Variants in SORBS2 observed in about 807,000 individuals in gnomAD.
SORBS2 encodes sorbin and SH3 domain-containing protein 2.
Under a neutral mutation model 97.7 loss-of-function variants are expected in SORBS2, and 46 were observed. That is an observed-to-expected ratio of 0.47 (90% CI 0.37 to 0.60). The LOEUF is 0.60. Among genes scored for constraint, SORBS2 ranks in the 20% least tolerant of loss-of-function variants. SORBS2 has a pLI of 0.00. For synonymous variants in SORBS2, 476 were observed against 473.4 expected, an observed-to-expected ratio of 1.01 and a Z score of -0.07; for missense variants, 1,316 against 1,282.3, an observed-to-expected ratio of 1.03 and a Z score of -0.40.
chr4:185,869,455 C>T (rs2099229183), intron 1 of SORBS2, among the ~76,000 whole-genome samples: 1 of 152,216 alleles, frequency 6.6e-6, no homozygotes, highest in Non-Finnish European at 1.5e-5. Flanking sequence ...CTTTATGCTG[C>T]TACCCTGGGC....
At chr4:185,951,928 C>CT in intron 1 of SORBS2, among the ~76,000 whole-genome samples, 1 of 152,090 alleles carries the variant, frequency 6.6e-6, no homozygotes, top group South Asian at 2.1e-4. Context: ...CAACTCTATT[C>CT]TTTTTTTGGA....
chr4:185,749,483 A>G (rs1043260472), intron 2 of SORBS2, among the ~76,000 whole-genome samples: 4 of 152,170 alleles, frequency 2.6e-5, no homozygotes, highest in Admixed American at 2.0e-4. Flanking sequence ...TTAAGATGAA[A>G]TCCTGATGGG....
At chr4:185,911,062 T>C (rs919710909) in intron 1 of SORBS2, among the ~76,000 whole-genome samples, 3 of 152,204 alleles carry the variant, frequency 2.0e-5, no homozygotes, top group Non-Finnish European at 4.4e-5. Flanking sequence ...ACTTCCATTT[T>C]ACCCTTTATA....
intron 1 of SORBS2, among the ~76,000 whole-genome samples, chr4:185,913,182 T>C (rs2099256279): frequency 6.6e-6 from 1 of 152,212 alleles, no homozygotes; most frequent in Admixed American, 6.5e-5. Flanking sequence ...CAACCAAATA[T>C]AATAATGTTC....
chr4:185,937,564 C>G (rs1198672553), intron 1 of SORBS2, among the ~76,000 whole-genome samples: 1 of 152,134 alleles, frequency 6.6e-6, no homozygotes, highest in African/African-American at 2.4e-5. Flanking sequence ...CAAAAAGTAC[C>G]TCTAGGTCTG....
At chr4:185,767,399 C>T (rs2098941252) in intron 2 of SORBS2, among the ~76,000 whole-genome samples, 1 of 137,376 alleles carries the variant, frequency 7.3e-6, no homozygotes, top group South Asian at 2.5e-4. Flanking sequence ...ACTCGGGAGG[C>T]TGAGGCAGGG....
intron 1 of SORBS2, among the ~76,000 whole-genome samples, chr4:185,891,068 T>C (rs2099242272): frequency 6.6e-6 from 1 of 152,214 alleles, no homozygotes. Flanking sequence ...TCCTTTCAGA[T>C]CTAAAATGTT....
At chr4:185,805,412 G>A (rs940119835) in intron 1 of SORBS2, among the ~76,000 whole-genome samples, 32 of 152,274 alleles carry the variant, frequency 2.1e-4, no homozygotes, top group African/African-American at 7.7e-4. Flanking sequence ...TCTGATTGCT[G>A]TAAGCCGTTC....
intron 1 of SORBS2, among the ~76,000 whole-genome samples, chr4:185,836,182 C>T (rs994463808): frequency 3.3e-5 from 5 of 152,082 alleles, no homozygotes; most frequent in Admixed American, 1.3e-4. Flanking sequence ...TTCTCATTTG[C>T]TTAAAAAAGA....
intron 2 of SORBS2, among the ~76,000 whole-genome samples, chr4:185,707,569 G>T (rs2098363293): frequency 6.6e-6 from 1 of 151,732 alleles, no homozygotes. Context: ...TAGGACAGCT[G>T]CTGCTTTTGA....
In SORBS2 at chr4:185,700,351, T is replaced by A. The variant is rs552986530; in HGVS notation, c.-197-21529A>T. Reference sequence around the variant, plus strand: ...GTCTCTAGGCAGGCTTTGGAGGCTGTGCTGGGTGGGGGGAGGGTCACAGAA... The same window carrying A: ...GTCTCTAGGCAGGCTTTGGAGGCTGAGCTGGGTGGGGGGAGGGTCACAGAA... On this transcript the variant is annotated intron_variant, in intron 2 of 20. Coordinates refer to the SORBS2 transcript ENST00000284776. Among the ~76,000 whole-genome samples, 3 of 94,886 alleles carry A rather than the reference T, an allele frequency of 3.2e-5. No homozygotes were observed. The South Asian group carries it at 1.4e-3, about 43-fold the overall frequency. The allele number at this position is 94,886 out of a possible 152,430, so 62.2% of individuals were successfully genotyped here.
chr4:185,640,257 C>T (rs3736193), intron 4 of SORBS2, among the ~76,000 whole-genome samples: 11 of 152,262 alleles, frequency 7.2e-5, no homozygotes, highest in South Asian at 2.1e-4. Context: ...GCAGTCAAAA[C>T]GGAATCTAAC....
rs11939281 is a variant in SORBS2 at position 185,893,947 on chromosome 4, G to A, written c.-338+62249C>T. On this transcript the variant is annotated intron_variant, in intron 1 of 20. Transcript: ENST00000284776. ...CCATGAGTTAACCTTTCCTAGATCCGGATGAGGAAGACAAGGGTGCCTCGG... is the reference window on the plus strand; with the variant it reads ...CCATGAGTTAACCTTTCCTAGATCCAGATGAGGAAGACAAGGGTGCCTCGG... 8.2e-3 allele frequency among the ~76,000 whole-genome samples: 1,248 copies of A among 152,194 alleles called. 24 individuals carry two copies. The highest frequency in any genetic ancestry group is 0.029 in the African/African-American group (1,184 of 41,516).
intron 1 of SORBS2, among the ~76,000 whole-genome samples, chr4:185,908,305 ATATATATATATATATATT>A (rs1317335936): frequency 3.2e-5 from 4 of 125,796 alleles, no homozygotes; most frequent in African/African-American, 9.9e-5. Context: ...ATATATATAT[ATATATATATATATATATT>A]TGTATACACA....
At chr4:185,587,687 C>T (rs1470342176) in exon 15 of SORBS2, 3 of 1,612,264 alleles carry the variant, frequency 1.9e-6, no homozygotes, top group African/African-American at 2.7e-5. Flanking sequence ...TTCTTGAGGT[C>T]CCTGAAAATA....
At chr4:185,901,438 A>G (rs918651941) in intron 1 of SORBS2, among the ~76,000 whole-genome samples, 3 of 152,180 alleles carry the variant, frequency 2.0e-5, no homozygotes, top group African/African-American at 7.2e-5. Context: ...TCCCAACCTC[A>G]GGTGATGCGC....
At chr4:185,674,274 G>A (rs1176824082) in intron 4 of SORBS2, among the ~76,000 whole-genome samples, 3 of 152,170 alleles carry the variant, frequency 2.0e-5, no homozygotes, top group African/African-American at 4.8e-5. Flanking sequence ...AGCTGATGGC[G>A]ATGCTATCTT....
chr4:185,953,295 C>G (rs2099278082), intron 1 of SORBS2, among the ~76,000 whole-genome samples: 1 of 152,214 alleles, frequency 6.6e-6, no homozygotes. Context: ...GCCTGGGTGA[C>G]AGAATGAGAC....
At chr4:185,809,777 G>A (rs1212928050) in intron 1 of SORBS2, among the ~76,000 whole-genome samples, 1 of 152,148 alleles carries the variant, frequency 6.6e-6, no homozygotes, top group African/African-American at 2.4e-5. Context: ...CCTCCCGTGG[G>A]CTAAGGGTCT....
Sources: allele counts gnomAD v4.1 joint callset (sites outside exome capture counted in the v4.1 genomes callset), GRCh38; gene constraint gnomAD v4.1.1; transcripts MANE v1.5; gene names NCBI Gene and HGNC (gene_info 2026-07-23, HGNC 2026-07-21).